Variants in PRKN observed in about 807,000 individuals in gnomAD.
PRKN encodes the protein E3 ubiquitin-protein ligase parkin.
PRKN carries 56 observed loss-of-function variants against 59.5 expected under a neutral mutation model. The ratio of observed to expected loss-of-function variants is 0.94; its 90% confidence interval spans 0.76 to 1.18. The LOEUF is 1.18. PRKN is among the 50% of genes most tolerant of loss of function. The pLI, the probability that PRKN is intolerant of heterozygous loss-of-function variation, is 0.00. For missense variants in PRKN, 657 were observed against 596.4 expected, an observed-to-expected ratio of 1.10 and a Z score of -1.06; for synonymous variants, 250 against 222.1, an observed-to-expected ratio of 1.13 and a Z score of -1.12.
intron 1 of PRKN, among the ~76,000 whole-genome samples, chr6:162,520,701 C>T (rs1211554398): frequency 6.6e-6 from 1 of 151,956 alleles, no homozygotes; most frequent in Non-Finnish European, 1.5e-5. Flanking sequence ...CTTCCCTGGG[C>T]ACAAATTTGG....
rs751167556 is a variant in PRKN, at chr6:162,467,587, C to T, written c.8-24114G>A. ...CTCTACCTCTCTCCATCTGCATTGT[C>T]GTGACCATTATCTGTCTTTTGAATC... On this transcript the variant is annotated intron_variant, in intron 1 of 11. Coordinates refer to ENST00000366898, the MANE Select transcript of PRKN (RefSeq NM_004562.3). Among the ~76,000 whole-genome samples, 9 of 152,238 alleles carry T rather than the reference C, an allele frequency of 5.9e-5. No homozygotes were observed. In the South Asian group the frequency reaches 6.2e-4, roughly 11 times the overall value.
chr6:161,740,850 G>A (rs1466381126), intron 7 of PRKN, among the ~76,000 whole-genome samples: 3 of 152,220 alleles, frequency 2.0e-5, no homozygotes, highest in Admixed American at 6.5e-5. Context: ...CAGTAGGCCC[G>A]TGTGGTGGAG....
intron 9 of PRKN, among the ~76,000 whole-genome samples, chr6:161,439,702 G>A (rs867947201): frequency 6.3e-4 from 66 of 104,298 alleles, no homozygotes; most frequent in Middle Eastern, 0.012. Context: ...AAGGAAGCTA[G>A]ATTTTTTTTT....
At chr6:162,376,691 T>C (rs77244236) in intron 2 of PRKN, among the ~76,000 whole-genome samples, 3,694 of 139,312 alleles carry the variant, frequency 0.027, 70 homozygotes, top group East Asian at 0.12. Context: ...AACCAAGAAA[T>C]GGACACACGG....
intron 6 of PRKN, among the ~76,000 whole-genome samples, chr6:161,934,640 C>A (rs1779287568): frequency 6.6e-6 from 1 of 152,138 alleles, no homozygotes; most frequent in Admixed American, 6.5e-5. Context: ...AAAATGTTGC[C>A]TCACTTAAGG....
chr6:162,069,690 T>C (rs946055756), intron 4 of PRKN, among the ~76,000 whole-genome samples: 2 of 152,200 alleles, frequency 1.3e-5, no homozygotes, highest in African/African-American at 4.8e-5. Context: ...AAGTTAATTC[T>C]GCAGAAAGAA....
At position 161,401,897 on chromosome 6, in the gene PRKN, T is replaced by C. The variant is rs1055871333; in HGVS notation, c.1084-15020A>G. On this transcript the variant is annotated intron_variant, in intron 9 of 11. Transcript: ENST00000366898. The surrounding 1 kb of genome is among the most constrained non-coding windows in gnomAD (Gnocchi z 4.4). ...TGAGAGATCCAGAGGTCTGAGATGTTTGTTCACACACCAATCTCTGGAGCG... is the reference window on the plus strand; with the variant it reads ...TGAGAGATCCAGAGGTCTGAGATGTCTGTTCACACACCAATCTCTGGAGCG... Among the ~76,000 whole-genome samples the C allele has an allele frequency of 1.3e-5, 2 of 152,184 alleles. No individual in the cohort carries two copies. Among genetic ancestry groups the C allele is most frequent in the African/African-American group, 4.8e-5 (2 of 41,430 alleles).
At chr6:162,294,750 AAATAC>A (rs1406164791) in intron 2 of PRKN, among the ~76,000 whole-genome samples, 2 of 152,190 alleles carry the variant, frequency 1.3e-5, no homozygotes, top group African/African-American at 2.4e-5. Flanking sequence ...AAAAAAAGAG[AAATAC>A]AATACAATAA....
At chr6:162,410,171 T>C (rs1372689797) in intron 2 of PRKN, among the ~76,000 whole-genome samples, 1 of 151,942 alleles carries the variant, frequency 6.6e-6, no homozygotes. Context: ...CTGTTTTTTC[T>C]GCTCCTGCTG....
chr6:161,835,459 T>G (rs1024287254), intron 6 of PRKN, among the ~76,000 whole-genome samples: 1 of 152,222 alleles, frequency 6.6e-6, no homozygotes, highest in Non-Finnish European at 1.5e-5. Context: ...GGGAGTTACA[T>G]CTGATGTTAC....
intron 7 of PRKN, among the ~76,000 whole-genome samples, chr6:161,658,054 G>A (rs1416345871): frequency 2.3e-4 from 27 of 117,738 alleles, no homozygotes; most frequent in African/African-American, 5.8e-4. Context: ...AGAAAAAAAC[G>A]GTGTGCCAGT....
At chr6:162,445,989 A>T (rs575105012) in intron 1 of PRKN, among the ~76,000 whole-genome samples, 3 of 152,164 alleles carry the variant, frequency 2.0e-5, no homozygotes, top group Non-Finnish European at 2.9e-5. Flanking sequence ...GTTTAGAAAA[A>T]GGAAGGACGA....
intron 2 of PRKN, among the ~76,000 whole-genome samples, chr6:162,384,690 A>G (rs1583477114): frequency 6.6e-6 from 1 of 151,800 alleles, no homozygotes; most frequent in East Asian, 1.9e-4. Flanking sequence ...CATTATCTGC[A>G]AAGCATGCTA....
chr6:162,202,439 A>C (rs1312432205), intron 3 of PRKN, among the ~76,000 whole-genome samples: 1 of 152,182 alleles, frequency 6.6e-6, no homozygotes, highest in African/African-American at 2.4e-5. Context: ...AAAGATGTAA[A>C]GTTTCATGGT....
rs1356034736 is a variant in PRKN, at chr6:162,056,522, C to T, written c.535-2348G>A. ...AAAAGGAGCTGCATCTGGGATCCAC[C>T]GATCATTAATCCAAAGGCCACCGCT... On this transcript the variant is annotated intron_variant, in intron 4 of 11. Coordinates refer to ENST00000366898, the MANE Select transcript of PRKN (RefSeq NM_004562.3). This position sits in a 1 kb window ranked among gnomAD's most constrained non-coding sequence, Gnocchi z 4.9. Among the ~76,000 whole-genome samples the T allele has an allele frequency of 6.6e-6, 1 of 152,132 alleles. No homozygotes were observed. The highest frequency in any genetic ancestry group is 1.9e-4 in the East Asian group (1 of 5,188).
intron 1 of PRKN, among the ~76,000 whole-genome samples, chr6:162,445,019 G>A (rs1274402126): frequency 6.6e-6 from 1 of 152,020 alleles, no homozygotes; most frequent in African/African-American, 2.4e-5. Context: ...ACTCCTCAAG[G>A]GCAAGTGTTA....
chr6:161,730,423 ATGTTGCATTCTGATG>A (rs1463792346), intron 7 of PRKN, among the ~76,000 whole-genome samples: 1 of 137,454 alleles, frequency 7.3e-6, no homozygotes, highest in East Asian at 2.2e-4. Flanking sequence ...TCTTTCTGAT[ATGTTGCATTCTGATG>A]TGTTGCATTC....
intron 3 of PRKN, among the ~76,000 whole-genome samples, chr6:162,257,052 G>A (rs553528508): frequency 1.3e-5 from 2 of 152,184 alleles, no homozygotes; most frequent in Non-Finnish European, 2.9e-5. Flanking sequence ...AAGGTAGACG[G>A]GGCCAGCCTC....
At position 162,365,362 on chromosome 6, in the gene PRKN, A is replaced by C. The variant is rs565500280; in HGVS notation, c.171+77948T>G. On this transcript the variant is annotated intron_variant, in intron 2 of 11. Transcript: ENST00000366898. ...TTTCATGTCTAGACAGTACTTTACA[A>C]GATGATTATATTCAGTAATGTATTT... Among the ~76,000 whole-genome samples, 8 of 152,314 alleles carry C rather than the reference A, an allele frequency of 5.3e-5. 1 individual carries two copies. In the East Asian group the frequency reaches 1.4e-3, roughly 26 times the overall value.
Sources: gnomAD v4.1 joint callset for allele counts (sites outside exome capture counted in the v4.1 genomes callset) on GRCh38, gnomAD v4.1.1 for gene constraint, Gnocchi (gnomAD v3.1) non-coding constraint, MANE v1.5 for transcripts, NCBI Gene and HGNC (gene_info 2026-07-23, HGNC 2026-07-21) for gene names.